The following ANK3 variants were observed in gnomAD, a reference collection of about 807,000 sequenced individuals.
ANK3 encodes ankyrin-3.
In ANK3, 57 loss-of-function variants were observed where a neutral mutation model predicts 370.9. The ratio of observed to expected loss-of-function variants is 0.15; its 90% confidence interval spans 0.12 to 0.19. ANK3 has a LOEUF of 0.19. Among genes scored for constraint, ANK3 ranks in the 10% least tolerant of loss-of-function variants. The pLI, the probability that ANK3 is intolerant of heterozygous loss-of-function variation, is 1.00. For missense variants in ANK3, 4,439 were observed against 5,302.1 expected, an observed-to-expected ratio of 0.84 and a Z score of 5.06; for synonymous variants, 1,929 against 1,946.3, an observed-to-expected ratio of 0.99 and a Z score of 0.23.
chr10:60,410,728 G>T (rs2063541813), intron 2 of ANK3, among the ~76,000 whole-genome samples: 1 of 151,746 alleles, frequency 6.6e-6, no homozygotes, highest in Non-Finnish European at 1.5e-5. Context: ...GTGCAATTGT[G>T]CAATCATAGC....
intron 27 of ANK3, 42 bp from the exon 28 acceptor site, chr10:60,106,101 T>C (rs757480738): frequency 7.3e-6 from 11 of 1,511,102 alleles, no homozygotes; most frequent in Non-Finnish European, 9.8e-6. Flanking sequence ...AAATTAAATA[T>C]ATTTATAGTA....
chr10:60,300,612 T>C, intron 1 of ANK3: 1 of 1,091,470 alleles, frequency 9.2e-7, no homozygotes, highest in East Asian at 6.2e-5. Context: ...ATATTGGCTC[T>C]GTGGATTTAG....
intron 17 of ANK3, among the ~76,000 whole-genome samples, chr10:60,185,906 T>C (rs1224954137): frequency 2.6e-5 from 4 of 152,330 alleles, no homozygotes; most frequent in Middle Eastern, 3.4e-3. Flanking sequence ...TCATGAATAA[T>C]GAGCATATCA....
intron 1 of ANK3, among the ~76,000 whole-genome samples, chr10:60,373,748 CA>C (rs2060406300): frequency 6.6e-6 from 1 of 152,152 alleles, no homozygotes; most frequent in African/African-American, 2.4e-5. Flanking sequence ...TGCCCCACCA[CA>C]CTCCATGAAT....
chr10:60,300,689 T>G (rs1472667737), intron 1 of ANK3, among the ~76,000 whole-genome samples: 1 of 152,138 alleles, frequency 6.6e-6, no homozygotes, highest in Non-Finnish European at 1.5e-5. Context: ...GCTTTCTGGC[T>G]GCTTGGAATT....
chr10:60,399,018 T>A (rs189676445), intron 2 of ANK3, among the ~76,000 whole-genome samples: 1 of 152,338 alleles, frequency 6.6e-6, no homozygotes, highest in African/African-American at 2.4e-5. Context: ...TTACTTCAAT[T>A]ACTTTTAGGG....
chr10:60,590,865 T>C (rs1051363973), intron 2 of ANK3, among the ~76,000 whole-genome samples: 2 of 152,238 alleles, frequency 1.3e-5, no homozygotes, highest in Admixed American at 1.3e-4. Context: ...TTTATTGTTG[T>C]ATTGTTATTT....
intron 1 of ANK3, among the ~76,000 whole-genome samples, chr10:60,646,837 A>G (rs2078716142): frequency 6.6e-6 from 1 of 152,172 alleles, no homozygotes; most frequent in Non-Finnish European, 1.5e-5. Context: ...GACAAGGAAT[A>G]TGAGCCCTGA....
chr10:60,704,975 T>C (rs1362121150), intron 1 of ANK3, among the ~76,000 whole-genome samples: 4 of 152,216 alleles, frequency 2.6e-5, no homozygotes, highest in African/African-American at 9.6e-5. Flanking sequence ...TTTTAATCTT[T>C]ATTAGGAAAA....
chr10:60,529,183 G>A (rs1029930160), intron 2 of ANK3, among the ~76,000 whole-genome samples: 7 of 152,046 alleles, frequency 4.6e-5, no homozygotes, highest in Non-Finnish European at 8.8e-5. Flanking sequence ...AGACAATAAG[G>A]GTGAGAGAAA....
In ANK3 at chr10:60,149,599, C is replaced by T. The variant is rs74156420; in HGVS notation, c.2615-10512G>A. On this transcript the variant is annotated intron_variant, in intron 23 of 43. Coordinates refer to ENST00000280772, the MANE Select transcript of ANK3 (RefSeq NM_020987.5). ...GCTTCTTGGAGGAAAAAAATATACT[C>T]GCTGTGACCTTCCCTACCTACACTA... Among the ~76,000 whole-genome samples the T allele has an allele frequency of 1.9e-3, 294 of 152,308 alleles. 1 individual carries two copies. The highest frequency in any genetic ancestry group is 6.7e-3 in the African/African-American group (278 of 41,574).
chr10:60,433,732 T>C (rs2064090197), intron 2 of ANK3, among the ~76,000 whole-genome samples: 1 of 152,100 alleles, frequency 6.6e-6, no homozygotes, highest in African/African-American at 2.4e-5. Flanking sequence ...GAATTTTGCT[T>C]TTACAATATT....
chr10:60,376,961 A>G (rs1423354583), intron 1 of ANK3, among the ~76,000 whole-genome samples: 1 of 152,260 alleles, frequency 6.6e-6, no homozygotes, highest in Non-Finnish European at 1.5e-5. Flanking sequence ...CTGAAGAGGC[A>G]TAGTAAAACA....
chr10:60,116,233 G>C (rs2093072443), intron 25 of ANK3, among the ~76,000 whole-genome samples: 1 of 152,044 alleles, frequency 6.6e-6, no homozygotes, highest in East Asian at 1.9e-4. Flanking sequence ...TCCTTTACTG[G>C]TCTCCCAGAC....
intron 1 of ANK3, among the ~76,000 whole-genome samples, chr10:60,705,587 G>A (rs569212023): frequency 6.6e-6 from 1 of 151,972 alleles, no homozygotes; most frequent in Non-Finnish European, 1.5e-5. Context: ...TTTATGACAC[G>A]TTTCCTTACT....
chr10:60,304,329 T>C (rs1287520004), intron 1 of ANK3, among the ~76,000 whole-genome samples: 1 of 152,064 alleles, frequency 6.6e-6, no homozygotes, highest in Non-Finnish European at 1.5e-5. Context: ...TTGACTGTGA[T>C]TATTTTACAA....
At chr10:60,238,313 C>T (rs2097366019) in intron 7 of ANK3, among the ~76,000 whole-genome samples, 1 of 152,132 alleles carries the variant, frequency 6.6e-6, no homozygotes, top group African/African-American at 2.4e-5. Flanking sequence ...GAAAGCCTGC[C>T]TAAGAGAACC....
intron 1 of ANK3, among the ~76,000 whole-genome samples, chr10:60,348,883 G>A (rs1316911757): frequency 1.3e-5 from 2 of 152,170 alleles, no homozygotes; most frequent in Non-Finnish European, 2.9e-5. Context: ...TTGAATGAAA[G>A]GGGTATATCC....
At chr10:60,091,659 C>G (rs1016748458) in intron 28 of ANK3, among the ~76,000 whole-genome samples, 25 of 151,984 alleles carry the variant, frequency 1.6e-4, no homozygotes, top group Admixed American at 9.2e-4. Flanking sequence ...GCGGAAATTG[C>G]TGTACACCTG....
Sources: allele counts gnomAD v4.1 joint callset (sites outside exome capture counted in the v4.1 genomes callset), GRCh38; gene constraint gnomAD v4.1.1; transcripts MANE v1.5; gene names NCBI Gene and HGNC (gene_info 2026-07-23, HGNC 2026-07-21).